The following CNTNAP2 variants were observed in gnomAD, a reference collection of about 807,000 sequenced individuals.
The protein encoded by CNTNAP2 is contactin-associated protein-like 2.
A neutral mutation model predicts 155.2 loss-of-function variants in CNTNAP2; 98 were observed. The observed-to-expected ratio is 0.63, with a 90% confidence interval of 0.54 to 0.75. The LOEUF (loss-of-function observed/expected upper bound fraction) is 0.75, where lower values mean the gene tolerates loss of function less well. Ranked by LOEUF, CNTNAP2 falls within the 30% of genes least tolerant of loss-of-function variation. The probability of loss-of-function intolerance (pLI) is 0.00; values close to 1 mark genes in which losing one functional copy is unlikely to be tolerated. For synonymous variants in CNTNAP2, 651 were observed against 631.2 expected (o/e 1.03, Z -0.47); for missense variants, 1,727 against 1,688.1 (o/e 1.02, Z -0.40).
At chr7:147,006,860 C>A (rs1286161384) in intron 3 of CNTNAP2, among the ~76,000 whole-genome samples, 1 of 152,000 alleles carries the variant, frequency 6.6e-6, no homozygotes, top group Admixed American at 6.6e-5. Context: ...CCAAGTGACA[C>A]ACAGGGGCAA....
chr7:148,330,466 G>T (rs1467075103), intron 21 of CNTNAP2, among the ~76,000 whole-genome samples: 1 of 150,470 alleles, frequency 6.6e-6, no homozygotes, highest in Non-Finnish European at 1.5e-5. Context: ...GGATGGAGTG[G>T]ATGGATGAAG....
At chr7:146,746,639 ATTTACT>A (rs1585070997) in intron 1 of CNTNAP2, among the ~76,000 whole-genome samples, 2 of 152,116 alleles carry the variant, frequency 1.3e-5, no homozygotes, top group Non-Finnish European at 2.9e-5. Context: ...AATTTTGCAC[ATTTACT>A]TTTAGTATCT....
chr7:146,810,352 C>G (rs537745547), intron 2 of CNTNAP2, among the ~76,000 whole-genome samples: 27 of 125,916 alleles, frequency 2.1e-4, no homozygotes, highest in African/African-American at 7.3e-4. Context: ...TTTGGGGCTT[C>G]TTCAATATTT....
chr7:147,562,283 T>C, intron 12 of CNTNAP2, 26 bp downstream of exon 12: 1 of 1,612,930 alleles, frequency 6.2e-7, no homozygotes, highest in Non-Finnish European at 8.5e-7. Flanking sequence ...TTATGTTTTA[T>C]GAAGATGCTT....
rs1010856214 is a variant in CNTNAP2, at chr7:146,419,141, G to A, written c.97+302168G>A. ...CTCAGGGTTCCACATGGCTAGGAAG[G>A]CCTCACAATCATGGTAGAAGGTGAA... On this transcript the variant is annotated intron_variant, in intron 1 of 23. Coordinates refer to ENST00000361727, the MANE Select transcript of CNTNAP2 (RefSeq NM_014141.6). Among the ~76,000 whole-genome samples the A allele has an allele frequency of 2.0e-5, 3 of 152,002 alleles. No individual in the cohort carries two copies. In the South Asian group the frequency reaches 6.2e-4, roughly 32 times the overall value.
Position 147,173,195 on chromosome 7 carries a change from C to T in CNTNAP2, c.1348+40686C>T, listed in dbSNP as rs140618377. Among the ~76,000 whole-genome samples, 821 of 152,194 alleles carry T rather than the reference C, an allele frequency of 5.4e-3. 3 individuals are homozygous for T. Among genetic ancestry groups the T allele is most frequent in the Non-Finnish European group, 8.3e-3 (567 of 68,004 alleles). On this transcript the variant is annotated intron_variant, in intron 8 of 23. Transcript: ENST00000361727. Reference sequence around the variant, plus strand: ...CTAAAACAGGGAAATGAGCATTATTCCCAACAACTATAATAACATATTTAA... The same window carrying T: ...CTAAAACAGGGAAATGAGCATTATTTCCAACAACTATAATAACATATTTAA...
chr7:146,476,268 C>T (rs1191205470), intron 1 of CNTNAP2, among the ~76,000 whole-genome samples: 3 of 152,062 alleles, frequency 2.0e-5, no homozygotes, highest in Non-Finnish European at 4.4e-5. Context: ...CAAGTAATTG[C>T]AATATTCACC....
chr7:147,280,554 C>G (rs36011986), intron 8 of CNTNAP2, among the ~76,000 whole-genome samples: 5,220 of 151,830 alleles, frequency 0.034, 122 homozygotes, highest in Non-Finnish European at 0.052. Context: ...AGAACATTTT[C>G]TCTTTTAAAA....
At chr7:147,871,450 C>T (rs1179783606) in intron 13 of CNTNAP2, among the ~76,000 whole-genome samples, 1 of 152,144 alleles carries the variant, frequency 6.6e-6, no homozygotes, top group Non-Finnish European at 1.5e-5. Context: ...TACTATTTTC[C>T]AGTCCAGTAT....
At chr7:147,981,049 C>G (rs371049483) in intron 15 of CNTNAP2, among the ~76,000 whole-genome samples, 1 of 151,958 alleles carries the variant, frequency 6.6e-6, no homozygotes, top group South Asian at 2.1e-4. Flanking sequence ...TGGTTACACA[C>G]AGCCTCCTGT....
chr7:146,664,772 G>C (rs1443574083), intron 1 of CNTNAP2, among the ~76,000 whole-genome samples: 1 of 152,006 alleles, frequency 6.6e-6, no homozygotes, highest in East Asian at 1.9e-4. Flanking sequence ...TGAACCTCAA[G>C]TTTACTTTTT....
intron 14 of CNTNAP2, among the ~76,000 whole-genome samples, chr7:147,941,601 C>T (rs1051468951): frequency 2.0e-5 from 3 of 152,148 alleles, no homozygotes; most frequent in African/African-American, 7.2e-5. Flanking sequence ...ACAAACATGT[C>T]GATTCTCTTC....
intron 13 of CNTNAP2, among the ~76,000 whole-genome samples, chr7:147,762,856 G>A (rs1797326599): frequency 6.6e-6 from 1 of 151,888 alleles, no homozygotes; most frequent in Admixed American, 6.6e-5. Flanking sequence ...TTTCTAGTCT[G>A]AACCTTTCTA....
chr7:147,910,379 C>T lies in CNTNAP2; in HGVS notation c.2255+6658C>T, dbSNP rs79898013. On this transcript the variant is annotated intron_variant, in intron 14 of 23. Transcript: ENST00000361727. ...CATTGACTCTATGCCAAAGGTACTA[C>T]ATATTTTGTCTTTATTTTAGAAATG... 7.3e-3 allele frequency among the ~76,000 whole-genome samples: 1,117 copies of T among 152,260 alleles called. 8 individuals carry two copies. The highest frequency in any genetic ancestry group is 0.025 in the African/African-American group (1,051 of 41,552).
chr7:146,999,138 C>A (rs760196414), intron 3 of CNTNAP2, among the ~76,000 whole-genome samples: 1 of 150,084 alleles, frequency 6.7e-6, no homozygotes, highest in Admixed American at 6.6e-5. Flanking sequence ...TTTCTGTTAG[C>A]GTATCTGTTA....
At chr7:146,426,006 T>C (rs1796081457) in intron 1 of CNTNAP2, among the ~76,000 whole-genome samples, 1 of 151,484 alleles carries the variant, frequency 6.6e-6, no homozygotes, top group African/African-American at 2.4e-5. Context: ...CCCAACATGG[T>C]AAAACCCCAT....
intron 3 of CNTNAP2, among the ~76,000 whole-genome samples, chr7:146,891,005 G>A (rs1414778479): frequency 6.6e-6 from 1 of 152,088 alleles, no homozygotes; most frequent in Non-Finnish European, 1.5e-5. Flanking sequence ...CATCAATGGT[G>A]GATTGGATAA....
intron 1 of CNTNAP2, among the ~76,000 whole-genome samples, chr7:146,347,370 A>G (rs554959484): frequency 6.6e-6 from 1 of 152,274 alleles, no homozygotes; most frequent in African/African-American, 2.4e-5. Flanking sequence ...TGGGAAAGCA[A>G]CAGCTCAACC....
chr7:147,985,115 A>T (rs935845545), intron 15 of CNTNAP2, among the ~76,000 whole-genome samples: 3 of 145,590 alleles, frequency 2.1e-5, no homozygotes, highest in South Asian at 2.2e-4. Flanking sequence ...ACTCTGTCAA[A>T]AAATAAATAA....
Sources: gnomAD v4.1 joint callset for allele counts (sites outside exome capture counted in the v4.1 genomes callset) on GRCh38, gnomAD v4.1.1 for gene constraint, MANE v1.5 for transcripts, NCBI Gene and HGNC (gene_info 2026-07-23, HGNC 2026-07-21) for gene names.